SDR42E2: variants seen among roughly 807,000 people sequenced by gnomAD.
SDR42E2 encodes short chain dehydrogenase/reductase family 42E, member 2.
Under a neutral mutation model 10.5 loss-of-function variants are expected in SDR42E2, and 20 were observed. The observed-to-expected ratio is 1.90, with a 90% CI of 1.34 to 2.77. The LOEUF (loss-of-function observed/expected upper bound fraction) is 2.77, where lower values mean the gene tolerates loss of function less well. Among genes scored for constraint, SDR42E2 ranks in the 30% most tolerant of loss-of-function variants. The pLI is 0.00. For synonymous variants in SDR42E2, 72 were observed against 39.2 expected (o/e 1.84, Z -3.12); for missense variants, 162 against 104.2 (o/e 1.55, Z -2.42).
chr16:22,164,981 C>T (rs2046523169), intron 1 of SDR42E2, among the ~76,000 whole-genome samples: 1 of 152,202 alleles, frequency 6.6e-6, no homozygotes, highest in African/African-American at 2.4e-5. Flanking sequence ...AGTTACACAG[C>T]GTGACTTTGG....
Position 22,190,389 on chromosome 16 carries a change from T to C in SDR42E2, c.1265T>C (p.Leu422Pro), listed in dbSNP as rs961369042. Residue 422 changes from leucine (L) to proline (P), a missense_variant, in exon 13 of 13, where the codon CTG (leucine) becomes CCG (proline). By Grantham distance (98) the Leu-to-Pro change is moderately conservative. Transcript: ENST00000602312. ...LQPLHAAVER[L>P] ...CCTCTGCACGCCGCCGTGGAGCGCC[T>C]GTGACCGTCCGCCGTCCGCCGCCCG... is the stretch of plus-strand genomic sequence containing the variant. The C allele has an allele frequency of 6.5e-5, 26 of 402,104 alleles. No homozygotes were observed. Among genetic ancestry groups the C allele is most frequent in the African/African-American group, 5.4e-4 (26 of 48,510 alleles). The allele number at this position is 402,104 out of a possible 1,614,324, so 24.9% of individuals were successfully genotyped here. A position where few individuals can be genotyped will look rare whatever the true frequency, so the allele number is the denominator to read the frequency against.
At chr16:22,164,281 G>A (rs895550245) in intron 1 of SDR42E2, among the ~76,000 whole-genome samples, 1 of 152,114 alleles carries the variant, frequency 6.6e-6, no homozygotes. Context: ...CTAGGGAGCT[G>A]GATGCGGTGG....
At chr16:22,183,359 C>T (rs2046711589) in intron 10 of SDR42E2, among the ~76,000 whole-genome samples, 1 of 152,248 alleles carries the variant, frequency 6.6e-6, no homozygotes, top group East Asian at 1.9e-4. Context: ...AGGCTGATCT[C>T]GATGCTTCCA....
chr16:22,184,145 C>T (rs2046718819), intron 10 of SDR42E2, 36 bp from the exon 11 acceptor site: 1 of 400,992 alleles, frequency 2.5e-6, no homozygotes, highest in Admixed American at 4.4e-5. Flanking sequence ...AGCCCCTGAA[C>T]CACTTGTTCT....
chr16:22,184,342 C>T (rs1237986047), intron 11 of SDR42E2, 98 bp downstream of exon 11: 3 of 390,204 alleles, frequency 7.7e-6, no homozygotes, highest in Non-Finnish European at 9.1e-6. Flanking sequence ...TGGCTCACGC[C>T]TGTAATCCTA....
intron 11 of SDR42E2, among the ~76,000 whole-genome samples, chr16:22,184,564 T>C (rs2046722486): frequency 6.6e-6 from 1 of 152,172 alleles, no homozygotes; most frequent in Non-Finnish European, 1.5e-5. Context: ...ATCCCGCCAC[T>C]GCACTCCAGA....
intron 7 of SDR42E2, among the ~76,000 whole-genome samples, chr16:22,176,098 G>A (rs2046642785): frequency 6.6e-6 from 1 of 151,902 alleles, no homozygotes; most frequent in African/African-American, 2.4e-5. Context: ...TATTTATTGT[G>A]TATTTTCAAA....
chr16:22,181,705 C>T, intron 9 of SDR42E2, 49 bp downstream of exon 9: 1 of 689,662 alleles, frequency 1.4e-6, no homozygotes, highest in Non-Finnish European at 2.6e-6. Flanking sequence ...GGGCTGCAGG[C>T]AGAGCGTCCC....
rs935417468 is a variant in SDR42E2, at chr16:22,177,348, C to T, written c.590-782C>T. On this transcript the variant is annotated intron_variant, in intron 7 of 12. Coordinates refer to ENST00000602312, the MANE Select transcript of SDR42E2 (RefSeq NM_001394319.2). ...TGATTAGAAAAAGGGAGAACAAGGC[C>T]GGGCGCGGTGGCTCATGCCTGTAAT... is the stretch of plus-strand genomic sequence containing the variant. Among the ~76,000 whole-genome samples, 131 of 152,006 alleles carry T rather than the reference C, an allele frequency of 8.6e-4. 1 individual carries two copies. The highest frequency in any genetic ancestry group is 8.4e-3 in the Admixed American group (128 of 15,246).
At chr16:22,187,163 A>T (rs114716558) in intron 12 of SDR42E2, among the ~76,000 whole-genome samples, 2,754 of 152,264 alleles carry the variant, frequency 0.018, 86 homozygotes, top group African/African-American at 0.062. Flanking sequence ...CTCTCAACAC[A>T]TACATACACA....
At chr16:22,188,337 C>G (rs905009914) in intron 12 of SDR42E2, among the ~76,000 whole-genome samples, 2 of 152,248 alleles carry the variant, frequency 1.3e-5, no homozygotes, top group Middle Eastern at 6.8e-3. Context: ...GAAGTAGTCA[C>G]CTATGGCTTC....
chr16:22,186,202 G>C (rs2046735374), intron 11 of SDR42E2, among the ~76,000 whole-genome samples: 1 of 151,822 alleles, frequency 6.6e-6, no homozygotes, highest in African/African-American at 2.4e-5. Context: ...AAAAACTTCA[G>C]TCGTTCAATT....
At chr16:22,174,552 C>G (rs6497577) in intron 7 of SDR42E2, among the ~76,000 whole-genome samples, 7,547 of 150,856 alleles carry the variant, frequency 0.05, 650 homozygotes, top group African/African-American at 0.17. Context: ...CCACCCCCAG[C>G]CCCCACCCTA....
intron 6 of SDR42E2, among the ~76,000 whole-genome samples, chr16:22,171,286 G>A (rs1162245523): frequency 6.6e-6 from 1 of 152,080 alleles, no homozygotes; most frequent in Non-Finnish European, 1.5e-5. Context: ...CTGTCCCCAG[G>A]CTGGAGTGCA....
At chr16:22,166,088 C>T (rs1208589841) in intron 2 of SDR42E2, among the ~76,000 whole-genome samples, 162 bp from the exon 3 acceptor site, 5 of 148,756 alleles carry the variant, frequency 3.4e-5, no homozygotes, top group Non-Finnish European at 5.9e-5. Context: ...GGAGCTGGAT[C>T]GGTACCTGGG....
intron 7 of SDR42E2, 116 bp from the exon 8 acceptor site, chr16:22,178,014 C>T (rs1455503242): frequency 1.9e-5 from 11 of 592,548 alleles, no homozygotes; most frequent in Middle Eastern, 2.5e-4. Flanking sequence ...GCCCCTGGGC[C>T]GGTCTTCCCC....
rs530497579 is a variant in SDR42E2 at position 22,165,966 on chromosome 16, G to A, written c.56-284G>A. On this transcript the variant is annotated intron_variant, in intron 2 of 12. Coordinates refer to ENST00000602312, the MANE Select transcript of SDR42E2 (RefSeq NM_001394319.2). Reference sequence around the variant, plus strand: ...GGCCAGGAGCTGGGTCCGTACCTGGGCCAGGAGCTGGGTCTGTACCTGGAC... The same window carrying A: ...GGCCAGGAGCTGGGTCCGTACCTGGACCAGGAGCTGGGTCTGTACCTGGAC... Among the ~76,000 whole-genome samples the A allele has an allele frequency of 4.1e-5, 6 of 146,064 alleles. No individual in the cohort carries two copies. The highest frequency in any genetic ancestry group is 1.3e-4 in the African/African-American group (5 of 39,620).
intron 1 of SDR42E2, among the ~76,000 whole-genome samples, chr16:22,164,863 C>G (rs1389502225): frequency 1.3e-5 from 2 of 152,200 alleles, no homozygotes; most frequent in African/African-American, 4.8e-5. Flanking sequence ...ACCTCCCAGT[C>G]TGGTGAGGTT....
chr16:22,162,849 A>G (rs1395494755), intron 1 of SDR42E2, among the ~76,000 whole-genome samples: 1 of 152,206 alleles, frequency 6.6e-6, no homozygotes, highest in African/African-American at 2.4e-5. Context: ...AATGGGAACC[A>G]TAGCCTGTAC....
Sources: gnomAD v4.1 joint callset for allele counts (sites outside exome capture counted in the v4.1 genomes callset) on GRCh38, gnomAD v4.1.1 for gene constraint, MANE v1.5 for transcripts, NCBI Gene and HGNC (gene_info 2026-07-23, HGNC 2026-07-21) for gene names.